The following ZNF469 variants were observed in gnomAD, a reference collection of about 807,000 sequenced individuals.
ZNF469 encodes the protein zinc finger protein 469.
A neutral mutation model predicts 1.0 loss-of-function variants in ZNF469; 1 was observed. The ratio of observed to expected loss-of-function variants is 1.00; its 90% CI spans 0.35 to 4.73. The LOEUF (loss-of-function observed/expected upper bound fraction) is 4.73, where lower values mean the gene tolerates loss of function less well. Among genes scored for constraint, ZNF469 ranks in the 30% most tolerant of loss-of-function variants. The pLI is 0.16. For missense variants in ZNF469, 6,100 were observed against 5,356.3 expected (o/e 1.14, Z -4.33); for synonymous variants, 2,703 against 2,363.4 (o/e 1.14, Z -4.17).
the ZNF469 span, among the ~76,000 whole-genome samples, chr16:88,328,975 C>T: frequency 1.4e-3 from 220 of 152,296 alleles, no homozygotes; most frequent in African/African-American, 4.8e-3. Context: ...ATGTTCTCCA[C>T]GGGGTCCCGA....
the ZNF469 span, among the ~76,000 whole-genome samples, chr16:88,255,907 T>C: frequency 1.1e-4 from 16 of 152,012 alleles, no homozygotes; most frequent in Non-Finnish European, 1.9e-4. Flanking sequence ...TACGGAAGGG[T>C]TTGTCTTAGG....
At chr16:88,266,300 G>A in the ZNF469 span, among the ~76,000 whole-genome samples, 2 of 152,238 alleles carry the variant, frequency 1.3e-5, no homozygotes, top group Non-Finnish European at 2.9e-5. Context: ...CCAGGTCCAC[G>A]CTGACCACAG....
chr16:88,226,425 T>C, the ZNF469 span, among the ~76,000 whole-genome samples: 3 of 151,920 alleles, frequency 2.0e-5, no homozygotes, highest in Non-Finnish European at 2.9e-5. Context: ...CCCAGGATCG[T>C]CAGGGCCTCC....
chr16:88,228,320 G>A, the ZNF469 span, among the ~76,000 whole-genome samples: 1,810 of 152,364 alleles, frequency 0.012, 42 homozygotes, highest in African/African-American at 0.041. Context: ...TGTGGGTCCC[G>A]TGAGACAGCA....
At chr16:88,158,821 C>A in the ZNF469 span, among the ~76,000 whole-genome samples, 1 of 152,092 alleles carries the variant, frequency 6.6e-6, no homozygotes, top group South Asian at 2.1e-4. Context: ...CCGGGCAGTG[C>A]AGGGGGGCAG....
the ZNF469 span, among the ~76,000 whole-genome samples, chr16:88,146,056 C>T: frequency 6.6e-6 from 1 of 152,260 alleles, no homozygotes; most frequent in East Asian, 1.9e-4. Flanking sequence ...CCGCCTCCCT[C>T]CACACGGTGC....
At chr16:88,251,075 A>G in the ZNF469 span, among the ~76,000 whole-genome samples, 150,105 of 152,272 alleles carry the variant, frequency 0.99, 74,014 homozygotes, top group East Asian at 1. Context: ...ACGGGGTTTC[A>G]CCTTACTGGC....
At chr16:88,274,407 T>C in the ZNF469 span, among the ~76,000 whole-genome samples, 1 of 152,262 alleles carries the variant, frequency 6.6e-6, no homozygotes, top group East Asian at 1.9e-4. Context: ...GTAAATTTTA[T>C]GTTATGTGTA....
At chr16:88,165,525 G>A in the ZNF469 span, among the ~76,000 whole-genome samples, 3 of 152,318 alleles carry the variant, frequency 2.0e-5, no homozygotes, top group South Asian at 2.1e-4. Flanking sequence ...CTGGATTCTC[G>A]GATGTGAAGC....
chr16:88,389,247 G>A (rs1412115618), intron 1 of ZNF469, among the ~76,000 whole-genome samples: 3 of 152,236 alleles, frequency 2.0e-5, no homozygotes, highest in Non-Finnish European at 2.9e-5. Context: ...CTTCGAGTAC[G>A]TGGTTCCTAC....
chr16:88,429,217 G>T lies in ZNF469; in HGVS notation c.1747G>T (p.Val583Leu). ...HGTPSLPPPR[V>L]VGASPSESPL... ...GACACCCAGCCTGCCCCCACCGAGG[G>T]TAGTGGGAGCCTCCCCCAGCGAGTC... The change falls in exon 3 of 3, where the codon GTA becomes TTA. Residue 583 changes from valine to leucine, a missense_variant. Coordinates refer to ENST00000565624, the MANE Select transcript of ZNF469 (RefSeq NM_001367624.2). The T allele has an allele frequency of 6.5e-7, 1 of 1,549,648 alleles. No individual in the cohort carries two copies. Among genetic ancestry groups the T allele is most frequent in the South Asian group, 1.2e-5 (1 of 84,048 alleles).
At chr16:88,234,366 A>G in the ZNF469 span, among the ~76,000 whole-genome samples, 1 of 152,260 alleles carries the variant, frequency 6.6e-6, no homozygotes, top group South Asian at 2.1e-4. Flanking sequence ...AAGGGCCAAG[A>G]AACTTGTGTG....
At chr16:88,378,439 G>A (rs1176646529), upstream of ZNF469, among the ~76,000 whole-genome samples, 1 of 152,182 alleles carries the variant, frequency 6.6e-6, no homozygotes, top group African/African-American at 2.4e-5. Flanking sequence ...CTCTGTGCTT[G>A]CACGCATCGT....
At chr16:88,381,490 G>A (rs540877708), upstream of ZNF469, among the ~76,000 whole-genome samples, 1 of 152,314 alleles carries the variant, frequency 6.6e-6, no homozygotes, top group African/African-American at 2.4e-5. Context: ...CAGTAGAAAC[G>A]AGAAGGAAGG....
At chr16:88,117,296 G>A in the ZNF469 span, among the ~76,000 whole-genome samples, 44 of 152,282 alleles carry the variant, frequency 2.9e-4, no homozygotes, top group East Asian at 2.9e-3. Flanking sequence ...CTGGGGATGC[G>A]TGAGAGCCAG....
chr16:88,375,101 G>C, the ZNF469 span, among the ~76,000 whole-genome samples: 2 of 152,248 alleles, frequency 1.3e-5, no homozygotes, highest in African/African-American at 4.8e-5. Flanking sequence ...GGGCAGGGTG[G>C]TTGATGGTCT....
At chr16:88,256,886 TTTTCTTTCCTTCTTTC>T in the ZNF469 span, among the ~76,000 whole-genome samples, 60 of 101,930 alleles carry the variant, frequency 5.9e-4, 18 homozygotes, top group South Asian at 2.3e-3. Flanking sequence ...TTTTCTTTTC[TTTTCTTTCCTTCTTTC>T]TTTCTTTCTT....
the ZNF469 span, among the ~76,000 whole-genome samples, chr16:88,167,727 C>G: frequency 6.6e-6 from 1 of 152,322 alleles, no homozygotes; most frequent in East Asian, 1.9e-4. Flanking sequence ...GCGCCCATCC[C>G]GGGCAGAGCT....
chr16:88,275,912 G>C, the ZNF469 span, among the ~76,000 whole-genome samples: 1 of 152,170 alleles, frequency 6.6e-6, no homozygotes, highest in African/African-American at 2.4e-5. Context: ...ACAGAGTCCT[G>C]TAAGATGGAG....
Sources: allele counts gnomAD v4.1 joint callset (sites outside exome capture counted in the v4.1 genomes callset), GRCh38; gene constraint gnomAD v4.1.1; transcripts MANE v1.5; gene names NCBI Gene and HGNC (gene_info 2026-07-23, HGNC 2026-07-21).